Variants in NIPSNAP2 observed in about 807,000 individuals in gnomAD.
NIPSNAP2 encodes the protein protein NipSnap homolog 2.
NIPSNAP2 carries 42 observed loss-of-function variants against 48.4 expected under a neutral mutation model. That is an observed-to-expected ratio of 0.87 (90% CI 0.68 to 1.12). The LOEUF is 1.12. NIPSNAP2 is among the 50% of genes most tolerant of loss of function. NIPSNAP2 has a pLI of 0.00. For synonymous variants in NIPSNAP2, 158 were observed against 126.6 expected, an observed-to-expected ratio of 1.25 and a Z score of -1.67; for missense variants, 314 against 347.3, an observed-to-expected ratio of 0.90 and a Z score of 0.76.
At chr7:55,967,439 C>T (rs902030777) in intron 1 of NIPSNAP2, among the ~76,000 whole-genome samples, 1 of 152,082 alleles carries the variant, frequency 6.6e-6, no homozygotes. Flanking sequence ...AGTGTGGGCT[C>T]GAACCTGTTA....
intron 7 of NIPSNAP2, among the ~76,000 whole-genome samples, chr7:55,985,922 C>T (rs902993584): frequency 3.3e-5 from 5 of 151,972 alleles, no homozygotes; most frequent in African/African-American, 7.3e-5. Flanking sequence ...GTGGTGCACT[C>T]CTGTAATCCC....
intron 1 of NIPSNAP2, among the ~76,000 whole-genome samples, chr7:55,976,834 A>ACT (rs984124092): frequency 1.6e-4 from 24 of 152,104 alleles, no homozygotes; most frequent in Non-Finnish European, 3.4e-4. Flanking sequence ...GCTACAGTGA[A>ACT]CTACAGTGAG....
chr7:55,978,564 T>G, intron 3 of NIPSNAP2, 169 bp downstream of exon 3: 1 of 632,136 alleles, frequency 1.6e-6, no homozygotes, highest in South Asian at 2.1e-5. Context: ...GAAGGCGTTT[T>G]GATTTTAAGC....
intron 7 of NIPSNAP2, among the ~76,000 whole-genome samples, chr7:55,986,680 A>T (rs1244739277): frequency 1.3e-5 from 2 of 151,454 alleles, no homozygotes; most frequent in African/African-American, 4.9e-5. Flanking sequence ...AAATTGCCTT[A>T]CTTTCAGTGA....
At position 55,994,970 on chromosome 7, in the gene NIPSNAP2, A is replaced by T; in HGVS notation, c.694A>T (p.Met232Leu). The T allele has an allele frequency of 6.2e-7, 1 of 1,613,968 alleles. No homozygotes were observed. The highest frequency in any genetic ancestry group is 8.5e-7 in the Non-Finnish European group (1 of 1,179,822). ...GFFSQIGQLY[M>L]VHHLWAYRDL... ...CTTCTCTCAGATTGGGCAGCTGTACATGGTGCACCATCTTTGGGGTATCTG... is the reference window on the plus strand; with the variant it reads ...CTTCTCTCAGATTGGGCAGCTGTACTTGGTGCACCATCTTTGGGGTATCTG... Residue 232 changes from methionine (M) to leucine (L), a missense_variant, in exon 8 of 10, where the codon ATG becomes TTG. By Grantham distance (15) the Met-to-Leu change is conservative. Around this residue, in one of 2 missense-constraint regions of NIPSNAP2, gnomAD observed 116 missense variants for 161.8 expected, o/e 0.72. Transcript: ENST00000322090.
intron 9 of NIPSNAP2, among the ~76,000 whole-genome samples, 194 bp from the exon 10 acceptor site, chr7:55,998,814 G>A (rs938615143): frequency 2.6e-5 from 4 of 152,074 alleles, no homozygotes; most frequent in African/African-American, 9.7e-5. Flanking sequence ...AATTTTAATA[G>A]CATCTTGTAG....
intron 1 of NIPSNAP2, among the ~76,000 whole-genome samples, chr7:55,967,411 G>A (rs564647960): frequency 1.3e-5 from 2 of 152,152 alleles, no homozygotes; most frequent in African/African-American, 4.8e-5. Context: ...AGCAATACTC[G>A]TCTGGATTCC....
chr7:55,964,665 A>G lies in NIPSNAP2; in HGVS notation c.56A>G (p.Gln19Arg). Residue 19 changes from glutamine (Q) to arginine (R), a missense_variant, in exon 1 of 10, where the codon CAG becomes CGG. Coordinates refer to ENST00000322090, the MANE Select transcript of NIPSNAP2 (RefSeq NM_001483.3). ...GCGGCCTGGGCCGGCGGCCTCCTGC[A>G]GCGGGCGGCCCCCTGCAGCCTCCTG... Reference protein sequence around the residue: ...RGAAWAGGLLQRAAPCSLLPR... With the variant: ...RGAAWAGGLLRRAAPCSLLPR... 3 of 1,115,440 alleles carry G rather than the reference A, an allele frequency of 2.7e-6. No individual in the cohort carries two copies. Among genetic ancestry groups the G allele is most frequent in the Non-Finnish European group, 3.3e-6 (3 of 913,890 alleles). The allele number at this position is 1,115,440 out of a possible 1,614,324, so 69.1% of individuals were successfully genotyped here. A position where few individuals can be genotyped will look rare whatever the true frequency, so the allele number is the denominator to read the frequency against.
At chr7:55,982,018 G>T (rs1284445338) in intron 4 of NIPSNAP2, 192 bp from the exon 5 acceptor site, 4 of 405,506 alleles carry the variant, frequency 9.9e-6, no homozygotes, top group Non-Finnish European at 1.8e-5. Flanking sequence ...TGTTGGCCAG[G>T]CTGGTCTGGA....
At chr7:55,984,751 G>A in intron 6 of NIPSNAP2, 96 bp from the exon 7 acceptor site, 5 of 928,750 alleles carry the variant, frequency 5.4e-6, no homozygotes, top group Non-Finnish European at 8.4e-6. Flanking sequence ...TTTGAAGTTA[G>A]TTTTGTCACT....
intron 7 of NIPSNAP2, among the ~76,000 whole-genome samples, chr7:55,989,980 T>A (rs940799557): frequency 8.7e-5 from 13 of 148,628 alleles, no homozygotes; most frequent in Admixed American, 3.4e-4. Flanking sequence ...TAGCTGGGTG[T>A]GGTGGCGAGC....
rs749745567 is a variant in NIPSNAP2 at position 55,981,474 on chromosome 7, CAA to C, written c.281_282del (p.Gln94ArgfsTer10). On this transcript the variant is annotated frameshift_variant and splice_region_variant, in exon 4 of 10. Coordinates refer to ENST00000322090, the MANE Select transcript of NIPSNAP2 (RefSeq NM_001483.3). LOFTEE classifies it high-confidence loss of function. ...GTGTTGCTGTTTCTTCTCTTTAAGT[CAA>C]GAGGTGTTGCCAAAGATTCACGAAG... ...ECLEAYNKIC[Q>X]EVLPKIHEDK... 3 of 1,611,946 alleles carry C rather than the reference CAA, an allele frequency of 1.9e-6. No individual in the cohort carries two copies. Among genetic ancestry groups the C allele is most frequent in the Non-Finnish European group, 2.5e-6 (3 of 1,178,406 alleles).
At chr7:55,998,929 C>T (rs1026552952) in intron 9 of NIPSNAP2, 79 bp from the exon 10 acceptor site, 13 of 1,170,698 alleles carry the variant, frequency 1.1e-5, no homozygotes, top group East Asian at 4.7e-5. Context: ...TGAACATTCT[C>T]GGCAATCTGT....
At chr7:55,984,559 A>G (rs1429683919) in intron 6 of NIPSNAP2, among the ~76,000 whole-genome samples, 5 of 152,022 alleles carry the variant, frequency 3.3e-5, no homozygotes, top group Non-Finnish European at 2.9e-5. Context: ...TCTTACTAAA[A>G]ATATAAAAAA....
intron 7 of NIPSNAP2, among the ~76,000 whole-genome samples, chr7:55,987,965 T>TA (rs1229258385): frequency 6.6e-6 from 1 of 152,070 alleles, no homozygotes; most frequent in Admixed American, 6.6e-5. Context: ...TTTACCACAA[T>TA]AAAAAATACG....
intron 7 of NIPSNAP2, among the ~76,000 whole-genome samples, chr7:55,990,389 C>T (rs925282645): frequency 9.2e-5 from 14 of 151,936 alleles, no homozygotes; most frequent in Non-Finnish European, 1.6e-4. Context: ...CCATCACACC[C>T]GGCTAATTTT....
chr7:55,969,620 G>GGGTTCAGTTTGC (rs1562760903), intron 1 of NIPSNAP2, among the ~76,000 whole-genome samples: 1 of 152,166 alleles, frequency 6.6e-6, no homozygotes. Context: ...CTGAGCTCCC[G>GGGTTCAGTTTGC]TGAAGTCAGG....
At chr7:55,989,499 G>C (rs960958696) in intron 7 of NIPSNAP2, among the ~76,000 whole-genome samples, 3 of 152,024 alleles carry the variant, frequency 2.0e-5, no homozygotes, top group African/African-American at 7.2e-5. Flanking sequence ...TGGTGCACTT[G>C]CCTGTAGTCC....
chr7:55,999,111 A>G lies in NIPSNAP2; in HGVS notation c.*39A>G, dbSNP rs369030813. ...CTATGTGCCTACATACATTTCTGTG[A>G]CAAGTATTTGTCGTAAATTAATTTT... On this transcript the variant is annotated 3_prime_UTR_variant, in exon 10 of 10. Coordinates refer to ENST00000322090, the MANE Select transcript of NIPSNAP2 (RefSeq NM_001483.3). 3 of 1,500,184 alleles carry G rather than the reference A, an allele frequency of 2.0e-6. No individual in the cohort carries two copies. The highest frequency in any genetic ancestry group is 2.8e-5 in the African/African-American group (2 of 72,232). The allele number at this position is 1,500,184 out of a possible 1,614,324, so 92.9% of individuals were successfully genotyped here.
Sources: gnomAD v4.1 joint callset for allele counts (sites outside exome capture counted in the v4.1 genomes callset) on GRCh38, gnomAD v4.1.1 for gene constraint, gnomAD v4.1.1 regional missense constraint, MANE v1.5 for transcripts, NCBI Gene and HGNC (gene_info 2026-07-23, HGNC 2026-07-21) for gene names.